Variants in KCNJ5 observed in about 807,000 individuals in gnomAD.
KCNJ5 encodes the protein G protein-activated inward rectifier potassium channel 4.
A neutral mutation model predicts 20.2 loss-of-function variants in KCNJ5; 12 were observed. That is an observed-to-expected ratio of 0.59 (90% CI 0.38 to 0.96). The LOEUF is 0.96. Among genes scored for constraint, KCNJ5 ranks in the 40% least tolerant of loss-of-function variants. KCNJ5 has a pLI of 0.00. For synonymous variants in KCNJ5, 210 were observed against 213.9 expected (o/e 0.98, Z 0.16); for missense variants, 449 against 557.6 (o/e 0.81, Z 1.96).
At position 128,916,446 on chromosome 11, in the gene KCNJ5, A is replaced by G. The variant is rs1414761184; in HGVS notation, c.975A>G (p.Thr325=). Residue 325 remains threonine (T), a synonymous_variant, in exon 3 of 3, where the codon ACA becomes ACG. Coordinates refer to ENST00000529694, the MANE Select transcript of KCNJ5 (RefSeq NM_000890.5). ...TCQARSSYMD[T]EVLWGHRFTP... is the part of the protein sequence containing the mutation. The stretch of plus-strand genomic sequence containing the variant: ...AAGCCCGGAGCTCCTACATGGATAC[A>G]GAGGTGCTCTGGGGCCACCGATTCA... 6.2e-7 allele frequency: 1 copy of G among 1,614,236 alleles called. No individual in the cohort carries two copies. The highest frequency in any genetic ancestry group is 1.1e-5 in the South Asian group (1 of 91,088).
intron 1 of KCNJ5, among the ~76,000 whole-genome samples, chr11:128,907,642 A>G (rs1944441183): frequency 6.6e-6 from 1 of 152,246 alleles, no homozygotes; most frequent in Admixed American, 6.5e-5. Flanking sequence ...GAAGAGAAGT[A>G]TCAGGCTTGA....
rs868267631 is a variant in KCNJ5, at chr11:128,903,644, G to C, written c.-10-7620G>C. ...AGAGTGACGGGGCACTCTTGGTGAT[G>C]ATGCCAGAATGACAGGTGTTACCTG... is the stretch of plus-strand genomic sequence containing the variant. On this transcript the variant is annotated intron_variant, in intron 1 of 2. Transcript: ENST00000529694. The C allele has an allele frequency of 3.7e-5, 35 of 958,852 alleles. No individual in the cohort carries two copies. In the Middle Eastern group the frequency reaches 7.7e-4, roughly 21 times the overall value. 59.4% of individuals were successfully genotyped at this position (958,852 alleles called of 1,614,324 possible).
At chr11:128,896,210 T>C (rs1944175156) in intron 1 of KCNJ5, among the ~76,000 whole-genome samples, 1 of 152,248 alleles carries the variant, frequency 6.6e-6, no homozygotes, top group Admixed American at 6.5e-5. Flanking sequence ...GCAGTCATTC[T>C]TTATTTTTCC....
intron 2 of KCNJ5, among the ~76,000 whole-genome samples, chr11:128,913,568 T>G (rs1045683118): frequency 1.4e-5 from 1 of 69,920 alleles, no homozygotes; most frequent in Admixed American, 1.6e-4. Flanking sequence ...GTGCCTTCCT[T>G]TCTCTCTCTC....
At position 128,917,180 on chromosome 11, in the gene KCNJ5, A is replaced by G. The variant is rs115414355; in HGVS notation, c.*449A>G. The G allele has an allele frequency of 6.1e-6, 1 of 164,356 alleles. No homozygotes were observed. Among genetic ancestry groups the G allele is most frequent in the Admixed American group, 5.8e-5 (1 of 17,244 alleles). 10.2% of individuals were successfully genotyped at this position (164,356 alleles called of 1,614,324 possible). On this transcript the variant is annotated 3_prime_UTR_variant, in exon 3 of 3. Transcript: ENST00000529694. ...TTACCTGATGAGAGCTCAAACCTCT[A>G]GTCTGGGATGAGCTCACAGAGCCCT...
chr11:128,894,323 C>T (rs1944139100), intron 1 of KCNJ5, among the ~76,000 whole-genome samples: 1 of 152,104 alleles, frequency 6.6e-6, no homozygotes, highest in Non-Finnish European at 1.5e-5. Context: ...AGCAAACACT[C>T]ACATTTTCTG....
intron 1 of KCNJ5, among the ~76,000 whole-genome samples, chr11:128,895,183 C>G (rs1944154353): frequency 6.6e-6 from 1 of 152,138 alleles, no homozygotes; most frequent in African/African-American, 2.4e-5. Flanking sequence ...CGGTCCGGGG[C>G]TGGGTGTACT....
At chr11:128,902,653 T>C (rs373403582) in intron 1 of KCNJ5, 62 of 1,613,898 alleles carry the variant, frequency 3.8e-5, no homozygotes, top group Non-Finnish European at 4.9e-5. Context: ...AGTTCTCCTC[T>C]TCCTGCCGGG....
chr11:128,897,693 T>C (rs1486179308), intron 1 of KCNJ5, among the ~76,000 whole-genome samples: 1 of 152,258 alleles, frequency 6.6e-6, no homozygotes, highest in Admixed American at 6.5e-5. Flanking sequence ...TCTTATGGAT[T>C]GTGCTTTTCT....
intron 1 of KCNJ5, among the ~76,000 whole-genome samples, chr11:128,897,978 G>A (rs1337539535): frequency 6.6e-6 from 1 of 152,098 alleles, no homozygotes; most frequent in Non-Finnish European, 1.5e-5. Flanking sequence ...TCTATTTTTG[G>A]GTTCTCTGTT....
intron 1 of KCNJ5, among the ~76,000 whole-genome samples, chr11:128,895,417 G>A (rs2135982262): frequency 7.2e-6 from 1 of 139,852 alleles, no homozygotes; most frequent in Non-Finnish European, 1.5e-5. Context: ...CTGCACTGCT[G>A]AGCACTTGGT....
intron 1 of KCNJ5, chr11:128,904,629 G>A (rs770840885): frequency 4.1e-6 from 3 of 737,106 alleles, no homozygotes; most frequent in Non-Finnish European, 5.0e-6. Context: ...ATCAGAACCC[G>A]CATTTTAGCC....
intron 1 of KCNJ5, among the ~76,000 whole-genome samples, chr11:128,894,184 T>G (rs1325998799): frequency 2.5e-4 from 1 of 4,012 alleles, no homozygotes; most frequent in Non-Finnish European, 4.2e-4. Flanking sequence ...TTCTGCATTG[T>G]TTTTTTTTTT....
Position 128,916,917 on chromosome 11 carries a change from G to A in KCNJ5, c.*186G>A, listed in dbSNP as rs955559535. ...AGCACAGGGCCTCCCTGAGCCAGTG[G>A]CATCCTGCCTGGGCCCCCCATGGCA... is the stretch of plus-strand genomic sequence containing the variant. On this transcript the variant is annotated 3_prime_UTR_variant, in exon 3 of 3. Coordinates refer to ENST00000529694, the MANE Select transcript of KCNJ5 (RefSeq NM_000890.5). The A allele has an allele frequency of 1.2e-5, 7 of 582,030 alleles. No individual in the cohort carries two copies. Among genetic ancestry groups the A allele is most frequent in the Middle Eastern group, 4.6e-4 (1 of 2,196 alleles). 36.1% of individuals were successfully genotyped at this position (582,030 alleles called of 1,614,324 possible).
chr11:128,902,151 G>A (rs1406210082), intron 1 of KCNJ5: 2 of 198,670 alleles, frequency 1.0e-5, no homozygotes, highest in Non-Finnish European at 2.1e-5. Flanking sequence ...GGAGCATCCT[G>A]GGCATAAAAA....
chr11:128,913,953 C>G (rs1179757645), intron 2 of KCNJ5, among the ~76,000 whole-genome samples: 1 of 152,180 alleles, frequency 6.6e-6, no homozygotes, highest in Non-Finnish European at 1.5e-5. Flanking sequence ...TTGGTGGAAC[C>G]AGGAGAGGGC....
chr11:128,916,822 G>A lies in KCNJ5; in HGVS notation c.*91G>A. Reference sequence around the variant, plus strand: ...GAGCAGGGGAGGGGAATAGTTGAGTGTGCTGTTTGGGGGCTCAGGAGCCAT... The same window carrying A: ...GAGCAGGGGAGGGGAATAGTTGAGTATGCTGTTTGGGGGCTCAGGAGCCAT... On this transcript the variant is annotated 3_prime_UTR_variant, in exon 3 of 3. Transcript: ENST00000529694. The A allele has an allele frequency of 9.7e-7, 1 of 1,030,236 alleles. No individual in the cohort carries two copies. Among genetic ancestry groups the A allele is most frequent in the Non-Finnish European group, 1.4e-6 (1 of 709,524 alleles). 63.8% of individuals were successfully genotyped at this position (1,030,236 alleles called of 1,614,324 possible). A position where few individuals can be genotyped will look rare whatever the true frequency, so the allele number is the denominator to read the frequency against.
At chr11:128,904,590 G>A (rs1355534707) in intron 1 of KCNJ5, 3 of 876,960 alleles carry the variant, frequency 3.4e-6, no homozygotes, top group African/African-American at 1.6e-5. Context: ...TAGCAAAACC[G>A]CGGACTCTGG....
chr11:128,900,055 C>T (rs1944246873), intron 1 of KCNJ5: 2 of 152,224 alleles, frequency 1.3e-5, no homozygotes, highest in South Asian at 2.1e-4. Flanking sequence ...CTATCACTAA[C>T]CCTTTCGAAT....
Sources: gnomAD v4.1 joint callset for allele counts (sites outside exome capture counted in the v4.1 genomes callset) on GRCh38, gnomAD v4.1.1 for gene constraint, MANE v1.5 for transcripts, NCBI Gene and HGNC (gene_info 2026-07-23, HGNC 2026-07-21) for gene names.